The following FOXO1 variants were observed in gnomAD, a reference collection of about 807,000 sequenced individuals.
FOXO1 encodes forkhead box protein O1.
FOXO1 carries 6 observed loss-of-function variants against 44.1 expected under a neutral mutation model. The observed-to-expected ratio is 0.14, with a 90% CI of 0.07 to 0.27. FOXO1 has a LOEUF of 0.27. Among genes scored for constraint, FOXO1 ranks in the 10% least tolerant of loss-of-function variants. The probability of loss-of-function intolerance (pLI) is 1.00; values close to 1 mark genes in which losing one functional copy is unlikely to be tolerated. For synonymous variants in FOXO1, 380 were observed against 362.7 expected, an observed-to-expected ratio of 1.05 and a Z score of -0.54; for missense variants, 737 against 888.8, an observed-to-expected ratio of 0.83 and a Z score of 2.17.
chr13:40,628,887 C>T (rs570532051), intron 1 of FOXO1, among the ~76,000 whole-genome samples: 29 of 152,350 alleles, frequency 1.9e-4, no homozygotes, highest in African/African-American at 6.5e-4. Context: ...AACTGTACTA[C>T]TACAGACAAA....
At chr13:40,640,598 T>C (rs1877314691) in intron 1 of FOXO1, among the ~76,000 whole-genome samples, 1 of 152,180 alleles carries the variant, frequency 6.6e-6, no homozygotes, top group Non-Finnish European at 1.5e-5. Flanking sequence ...CAGTACCTAA[T>C]GGGAAGGACT....
At chr13:40,637,891 A>G (rs1228170787) in intron 1 of FOXO1, among the ~76,000 whole-genome samples, 1 of 152,188 alleles carries the variant, frequency 6.6e-6, no homozygotes, top group Admixed American at 6.5e-5. Flanking sequence ...GGTTATTTAG[A>G]TAAGCAATAC....
chr13:40,558,927 G>T lies in FOXO1; in HGVS notation c.*122C>A, dbSNP rs73173152. 1,269 of 353,860 alleles carry T rather than the reference G, an allele frequency of 3.6e-3. 5 individuals are homozygous for T. The highest frequency in any genetic ancestry group is 0.013 in the African/African-American group (593 of 45,518). The allele number at this position is 353,860 out of a possible 1,614,324, so 21.9% of individuals were successfully genotyped here. ...GGAAAAAAGGAGGGTTTTTTTTTTT[G>T]TTTTTTTTTTTAACCAAGAAAACTA... On this transcript the variant is annotated 3_prime_UTR_variant, in exon 3 of 3. Transcript: ENST00000379561.
chr13:40,628,389 A>ACC (rs1555252080), intron 1 of FOXO1, among the ~76,000 whole-genome samples: 13 of 148,702 alleles, frequency 8.7e-5, no homozygotes, highest in East Asian at 3.9e-4. Context: ...ACACACACAC[A>ACC]CCCCGTGAGG....
intron 1 of FOXO1, among the ~76,000 whole-genome samples, chr13:40,632,664 C>T (rs374174864): frequency 6.6e-6 from 1 of 151,506 alleles, no homozygotes; most frequent in African/African-American, 2.4e-5. Context: ...AAAAAAGAGC[C>T]GGGCACAGTG....
intron 1 of FOXO1, among the ~76,000 whole-genome samples, chr13:40,576,170 G>GT (rs1874734694): frequency 6.6e-6 from 1 of 152,174 alleles, no homozygotes; most frequent in Admixed American, 6.5e-5. Flanking sequence ...CACTAGTAAG[G>GT]TATGTCTGGA....
chr13:40,620,702 C>G (rs560740930), intron 1 of FOXO1, among the ~76,000 whole-genome samples: 23 of 152,140 alleles, frequency 1.5e-4, no homozygotes, highest in African/African-American at 4.3e-4. Flanking sequence ...AATGAGACCA[C>G]CCAGCCTCAT....
intron 1 of FOXO1, among the ~76,000 whole-genome samples, chr13:40,585,341 G>GCGCGCA: frequency 1.1e-5 from 1 of 94,704 alleles, no homozygotes; most frequent in South Asian, 4.1e-4. Context: ...CTCTGCGCGC[G>GCGCGCA]CGCACACACA....
chr13:40,565,317 C>T (rs1389021292), intron 1 of FOXO1, among the ~76,000 whole-genome samples: 7 of 152,094 alleles, frequency 4.6e-5, no homozygotes, highest in Admixed American at 6.6e-5. Flanking sequence ...AATAAGTACA[C>T]GTAAAGAGCC....
At chr13:40,659,668 C>G (rs1877976597) in intron 1 of FOXO1, among the ~76,000 whole-genome samples, 1 of 151,368 alleles carries the variant, frequency 6.6e-6, no homozygotes, top group African/African-American at 2.4e-5. Flanking sequence ...CAAAACTATA[C>G]AAAAATGGAT....
chr13:40,625,042 T>C (rs1206957387), intron 1 of FOXO1, among the ~76,000 whole-genome samples: 2 of 152,134 alleles, frequency 1.3e-5, no homozygotes, highest in Non-Finnish European at 2.9e-5. Flanking sequence ...TCAGTAGAAA[T>C]GAAAGTACTT....
Position 40,665,889 on chromosome 13 carries a change from C to G in FOXO1, c.324G>C (p.Gly108=). The G allele has an allele frequency of 3.5e-6, 4 of 1,156,608 alleles. No homozygotes were observed. The highest frequency in any genetic ancestry group is 4.2e-6 in the Non-Finnish European group (4 of 942,534). The allele number at this position is 1,156,608 out of a possible 1,614,324, so 71.6% of individuals were successfully genotyped here. ...AGCCCGCCTCCGGGCCCTGGAAGTC[C>G]CCGCACAGCCCCCCGGTGGCGGCCG... The part of the protein sequence containing the change: ...AAAAATGGLC[G]DFQGPEAGCL... The change falls in exon 1 of 3, where the codon GGG becomes GGC. Residue 108 remains glycine, a synonymous_variant. Coordinates refer to ENST00000379561, the MANE Select transcript of FOXO1 (RefSeq NM_002015.4).
At chr13:40,663,489 G>A (rs1277318444) in intron 1 of FOXO1, among the ~76,000 whole-genome samples, 1 of 151,918 alleles carries the variant, frequency 6.6e-6, no homozygotes, top group African/African-American at 2.4e-5. Context: ...AATGGTGTAA[G>A]TACACACTGT....
At chr13:40,618,990 G>A (rs1413728786) in intron 1 of FOXO1, 1 of 518,704 alleles carries the variant, frequency 1.9e-6, no homozygotes, top group Non-Finnish European at 3.9e-6. Flanking sequence ...CCTGACTCGA[G>A]AAATGGAACA....
chr13:40,591,389 T>A (rs1164475193), intron 1 of FOXO1, among the ~76,000 whole-genome samples: 2 of 152,070 alleles, frequency 1.3e-5, no homozygotes, highest in African/African-American at 4.8e-5. Context: ...AAGAGAAGGA[T>A]CATCAGCAGT....
At chr13:40,641,905 G>A (rs1877366081) in intron 1 of FOXO1, among the ~76,000 whole-genome samples, 1 of 152,152 alleles carries the variant, frequency 6.6e-6, no homozygotes, top group African/African-American at 2.4e-5. Context: ...AGGACCACTT[G>A]AACCTAGGAG....
chr13:40,604,205 A>G (rs1875916163), intron 1 of FOXO1, among the ~76,000 whole-genome samples: 1 of 152,038 alleles, frequency 6.6e-6, no homozygotes, highest in Non-Finnish European at 1.5e-5. Context: ...AGAAGACAAG[A>G]CATGCCACCT....
chr13:40,640,758 T>TTTGTTG (rs142761112), intron 1 of FOXO1, among the ~76,000 whole-genome samples: 1,444 of 140,524 alleles, frequency 0.01, 13 homozygotes, highest in African/African-American at 0.012. Context: ...TGTTATTTCT[T>TTTGTTG]TTGTTGTTGT....
At chr13:40,585,962 T>C (rs1875148626) in intron 1 of FOXO1, among the ~76,000 whole-genome samples, 1 of 152,202 alleles carries the variant, frequency 6.6e-6, no homozygotes, top group Non-Finnish European at 1.5e-5. Flanking sequence ...CATTGTGTGT[T>C]CAAGTGACTG....
Sources: gnomAD v4.1 joint callset for allele counts (sites outside exome capture counted in the v4.1 genomes callset) on GRCh38, gnomAD v4.1.1 for gene constraint, MANE v1.5 for transcripts, NCBI Gene and HGNC (gene_info 2026-07-23, HGNC 2026-07-21) for gene names.